Variants in CYBB observed in about 807,000 individuals in gnomAD.
The protein encoded by CYBB is NADPH oxidase 2.
Under a neutral mutation model 46.5 loss-of-function variants are expected in CYBB, and 5 were observed. The observed-to-expected ratio is 0.11, with a 90% confidence interval of 0.06 to 0.23. The LOEUF is 0.23. Ranked by LOEUF, CYBB falls within the 10% of genes least tolerant of loss-of-function variation. The probability of loss-of-function intolerance (pLI) is 1.00; values close to 1 mark genes in which losing one functional copy is unlikely to be tolerated. For synonymous variants in CYBB, 183 were observed against 156.7 expected (o/e 1.17, Z -1.26); for missense variants, 307 against 428.3 (o/e 0.72, Z 2.50).
chrX:37,795,170 C>T (rs1466394617), intron 5 of CYBB, among the ~76,000 whole-genome samples: 3 of 111,458 alleles, frequency 2.7e-5, no homozygotes, highest in African/African-American at 9.8e-5. Context: ...CAGAGGACTG[C>T]CCTGGGGCTA....
intron 8 of CYBB, among the ~76,000 whole-genome samples, chrX:37,802,626 G>A (rs782369643): frequency 8.9e-6 from 1 of 111,808 alleles, no homozygotes; most frequent in Non-Finnish European, 1.9e-5. Context: ...TCAAAATGAA[G>A]CTTTACAACT....
chrX:37,782,419 T>C (rs1928971193), intron 2 of CYBB, among the ~76,000 whole-genome samples: 1 of 112,373 alleles, frequency 8.9e-6, no homozygotes, highest in Non-Finnish European at 1.9e-5. Context: ...CCAAGAACCA[T>C]GTGCCATTGT....
At chrX:37,810,569 T>G (rs758886948) in intron 12 of CYBB, among the ~76,000 whole-genome samples, 3 of 112,229 alleles carry the variant, frequency 2.7e-5, no homozygotes, top group Non-Finnish European at 3.8e-5. Flanking sequence ...ATTTTACTTT[T>G]GCCAGGGAAG....
chrX:37,792,653 T>C (rs181848200), intron 4 of CYBB, among the ~76,000 whole-genome samples: 1 of 110,872 alleles, frequency 9.0e-6, no homozygotes, highest in African/African-American at 3.3e-5. Context: ...CTTATCTAAT[T>C]CCACTAATTC....
At chrX:37,780,725 A>T (rs1462614373) in intron 1 of CYBB, among the ~76,000 whole-genome samples, 1 of 104,521 alleles carries the variant, frequency 9.6e-6, no homozygotes, top group Non-Finnish European at 2.0e-5. Flanking sequence ...TTTATATATA[A>T]TTGTATATAT....
intron 3 of CYBB, among the ~76,000 whole-genome samples, chrX:37,787,810 G>A (rs1375613136): frequency 4.5e-5 from 5 of 111,200 alleles, no homozygotes; most frequent in African/African-American, 1.6e-4. Context: ...TGAGGAGATG[G>A]TATTCTTAAA....
intron 8 of CYBB, among the ~76,000 whole-genome samples, 154 bp downstream of exon 8, chrX:37,801,502 C>A (rs782758035): frequency 9.1e-6 from 1 of 110,475 alleles, no homozygotes; most frequent in South Asian, 3.8e-4. Context: ...AATGTTTGAG[C>A]CTTTAACTGG....
At chrX:37,797,199 G>A (rs1171406760) in intron 6 of CYBB, among the ~76,000 whole-genome samples, 1 of 111,332 alleles carries the variant, frequency 9.0e-6, no homozygotes, top group Non-Finnish European at 1.9e-5. Flanking sequence ...TGCTGACTGT[G>A]ACCCCTGATA....
intron 6 of CYBB, 63 bp downstream of exon 6, chrX:37,796,204 A>G (rs983935810): frequency 2.0e-6 from 2 of 991,626 alleles, no homozygotes; most frequent in Non-Finnish European, 1.4e-6. Context: ...AGGATGCTCC[A>G]TTAGAGGCAC....
At chrX:37,805,235 G>T (rs1041297706) in intron 10 of CYBB, 67 bp downstream of exon 10, 1 of 1,091,392 alleles carries the variant, frequency 9.2e-7, no homozygotes, top group Non-Finnish European at 1.3e-6. Context: ...AGGCCTGAGA[G>T]TGCTTTCAGG....
chrX:37,803,877 G>A lies in CYBB; in HGVS notation c.898G>A (p.Val300Met). Residue 300 changes from valine to methionine, a missense_variant and splice_region_variant, in exon 9 of 13, where the codon GTG (valine) becomes ATG (methionine). This residue lies in a region of CYBB where 122 missense variants were observed against 208.3 expected (regional missense o/e 0.59). Transcript: ENST00000378588. Reference protein sequence around the residue: ...RSQQKVVITKVVTHPFKTIEL... With the variant: ...RSQQKVVITKMVTHPFKTIEL... ...TCCAGACATATGTTTTATTCTATAG[G>A]TGGTCACTCACCCTTTCAAAACCAT... 1 of 1,209,777 alleles carries A rather than the reference G, an allele frequency of 8.3e-7. No individual in the cohort carries two copies. The highest frequency in any genetic ancestry group is 3.0e-5 in the East Asian group (1 of 33,797).
rs782779234 is a variant in CYBB, at chrX:37,793,208, A to T, written c.338-457A>T. Among the ~76,000 whole-genome samples the T allele has an allele frequency of 3.6e-4, 39 of 108,112 alleles. 1 individual carries two copies. Among genetic ancestry groups the T allele is most frequent in the Non-Finnish European group, 7.7e-5 (4 of 52,227 alleles). The allele number at this position is 108,112 out of a possible 115,157, so 93.9% of individuals were successfully genotyped here. On this transcript the variant is annotated intron_variant, in intron 4 of 12. Transcript: ENST00000378588. ...TTGTATCAATTCAATCAAATTTGTC[A>T]TCTCTCTCTGGAGGTAATTTCAGAG...
chrX:37,805,351 A>G (rs1929537589), intron 10 of CYBB, among the ~76,000 whole-genome samples, 183 bp downstream of exon 10: 2 of 111,807 alleles, frequency 1.8e-5, no homozygotes, highest in Non-Finnish European at 1.9e-5. Flanking sequence ...GTGCTTCTAG[A>G]TAAGTAGGCC....
intron 3 of CYBB, among the ~76,000 whole-genome samples, chrX:37,784,076 C>T (rs1929009373): frequency 9.0e-6 from 1 of 111,367 alleles, no homozygotes; most frequent in Non-Finnish European, 1.9e-5. Context: ...CTTCATGGAA[C>T]TGGGGAGCAT....
chrX:37,783,458 A>G (rs781961122), intron 2 of CYBB, 32 bp from the exon 3 acceptor site: 12 of 1,030,828 alleles, frequency 1.2e-5, no homozygotes, highest in Non-Finnish European at 1.5e-5. Flanking sequence ...TGCTCAAAAA[A>G]GTCACTCTGC....
intron 12 of CYBB, 92 bp from the exon 13 acceptor site, chrX:37,810,699 T>G (rs912050368): frequency 1.0e-5 from 10 of 961,195 alleles, no homozygotes; most frequent in East Asian, 3.2e-5. Context: ...GACTCTGCCC[T>G]GGGGCCTCAA....
intron 5 of CYBB, among the ~76,000 whole-genome samples, chrX:37,794,812 A>T (rs1354017685): frequency 8.9e-6 from 1 of 111,841 alleles, no homozygotes; most frequent in Non-Finnish European, 1.9e-5. Flanking sequence ...TCACATTAAT[A>T]TGCACTGAAT....
At position 37,780,087 on chromosome X, in the gene CYBB, T is replaced by C. The variant is rs782495755; in HGVS notation, c.10T>C (p.Trp4Arg). The C allele has an allele frequency of 8.3e-7, 1 of 1,208,597 alleles. No homozygotes were observed. Among genetic ancestry groups the C allele is most frequent in the South Asian group, 1.8e-5 (1 of 56,746 alleles). Residue 4 changes from tryptophan (W) to arginine (R), a missense_variant, in exon 1 of 13, where the codon TGG (tryptophan) becomes CGG (arginine). Coordinates refer to ENST00000378588, the MANE Select transcript of CYBB (RefSeq NM_000397.4). ...TTCAACCTCTGCCACCATGGGGAAC[T>C]GGGCTGTGAATGAGGGGCTCTCCAT... is the stretch of plus-strand genomic sequence containing the variant. MGNWAVNEGLSIFV... is the reference protein window; with the variant it reads MGNRAVNEGLSIFV...
At chrX:37,800,193 G>A (rs1437147854) in intron 7 of CYBB, among the ~76,000 whole-genome samples, 2 of 111,551 alleles carry the variant, frequency 1.8e-5, no homozygotes, top group African/African-American at 6.5e-5. Flanking sequence ...TACCTTAGCA[G>A]AAACCTACCT....
Sources: gnomAD v4.1 joint callset for allele counts (sites outside exome capture counted in the v4.1 genomes callset) on GRCh38, gnomAD v4.1.1 for gene constraint, gnomAD v4.1.1 regional missense constraint, MANE v1.5 for transcripts, NCBI Gene and HGNC (gene_info 2026-07-23, HGNC 2026-07-21) for gene names.